B4GAT1: variants seen among roughly 807,000 people sequenced by gnomAD.
The protein encoded by B4GAT1 is beta-1,4-glucuronyltransferase 1, also known as N-acetyllactosaminide beta-1,3-N-acetylglucosaminyltransferase.
Under a neutral mutation model 35.0 loss-of-function variants are expected in B4GAT1, and 18 were observed. The ratio of observed to expected loss-of-function variants is 0.51; its 90% CI spans 0.36 to 0.76. The LOEUF (loss-of-function observed/expected upper bound fraction) is 0.76, where lower values mean the gene tolerates loss of function less well. B4GAT1 is among the 30% of genes least tolerant of loss of function. The pLI is 0.01. For synonymous variants in B4GAT1, 217 were observed against 251.6 expected, an observed-to-expected ratio of 0.86 and a Z score of 1.30; for missense variants, 458 against 555.0, an observed-to-expected ratio of 0.83 and a Z score of 1.76.
In B4GAT1 at chr11:66,346,484, G is replaced by C. The variant is rs1555016387; in HGVS notation, c.1056+6C>G. The stretch of plus-strand genomic sequence containing the variant: ...CCATTACCCCTGCCCTCTCCCTTAT[G>C]AGCACCTGGCTGATTCGGTTGAAGC... On this transcript the variant is annotated splice_donor_region_variant and intron_variant, in intron 1 of 1. Coordinates refer to ENST00000311181, the MANE Select transcript of B4GAT1 (RefSeq NM_006876.3). This position sits in a 1 kb window ranked among gnomAD's most constrained non-coding sequence, Gnocchi z 6.1. The C allele has an allele frequency of 1.9e-6, 3 of 1,595,426 alleles. No individual in the cohort carries two copies. Among genetic ancestry groups the C allele is most frequent in the East Asian group, 4.5e-5 (2 of 44,558 alleles).
Position 66,347,601 on chromosome 11 carries a change from C to A in B4GAT1, c.-56G>T. On this transcript the variant is annotated 5_prime_UTR_variant, in exon 1 of 2. Coordinates refer to ENST00000311181, the MANE Select transcript of B4GAT1 (RefSeq NM_006876.3). This position sits in a 1 kb window ranked among gnomAD's most constrained non-coding sequence, Gnocchi z 6.3. ...ACCACCCGGCCACAGACTACGCCAG[C>A]GGCCGCAAGCCCGGATTTACCGCAG... The A allele has an allele frequency of 8.1e-7, 1 of 1,235,562 alleles. No individual in the cohort carries two copies. The highest frequency in any genetic ancestry group is 1.0e-6 in the Non-Finnish European group (1 of 989,838). The allele number at this position is 1,235,562 out of a possible 1,614,324, so 76.5% of individuals were successfully genotyped here.
rs1189272376 is a variant in B4GAT1 at position 66,347,005 on chromosome 11, A to G, written c.541T>C (p.Ser181Pro). The change falls in exon 1 of 2, where the codon TCC (serine) becomes CCC (proline). Residue 181 changes from serine to proline, a missense_variant. Coordinates refer to ENST00000311181, the MANE Select transcript of B4GAT1 (RefSeq NM_006876.3). This position sits in a 1 kb window ranked among gnomAD's most constrained non-coding sequence, Gnocchi z 6.3. Reference sequence around the variant, plus strand: ...AGCTTGTCAAAGACCTCCTGGCAGGACCGCAGCAGGGCAAACTCCCCCGGC... The same window carrying G: ...AGCTTGTCAAAGACCTCCTGGCAGGGCCGCAGCAGGGCAAACTCCCCCGGC... ...REPGEFALLR[S>P]CQEVFDKLAR... The G allele has an allele frequency of 2.5e-6, 4 of 1,601,940 alleles. No individual in the cohort carries two copies. The highest frequency in any genetic ancestry group is 2.6e-6 in the Non-Finnish European group (3 of 1,175,850).
chr11:66,347,034 C>T lies in B4GAT1; in HGVS notation c.512G>A (p.Arg171Gln). ...CAGCAGGGCAAACTCCCCCGGCTCC[C>T]GGGGGTCGGGCACGGCTGCCTCGTA... ...SRYEAAVPDPREPGEFALLRS... is the reference protein window; with the variant it reads ...SRYEAAVPDPQEPGEFALLRS... The change falls in exon 1 of 2, where the codon CGG becomes CAG. Residue 171 changes from arginine to glutamine, a missense_variant. Coordinates refer to ENST00000311181, the MANE Select transcript of B4GAT1 (RefSeq NM_006876.3). This position sits in a 1 kb window ranked among gnomAD's most constrained non-coding sequence, Gnocchi z 6.3. 2 of 1,588,152 alleles carry T rather than the reference C, an allele frequency of 1.3e-6. No homozygotes were observed. The highest frequency in any genetic ancestry group is 1.7e-5 in the Admixed American group (1 of 58,516).
chr11:66,347,203 G>A lies in B4GAT1; in HGVS notation c.343C>T (p.Arg115Cys), dbSNP rs1328944950. 1.3e-6 allele frequency: 2 copies of A among 1,578,034 alleles called. No homozygotes were observed. Among genetic ancestry groups the A allele is most frequent in the African/African-American group, 2.7e-5 (2 of 74,008 alleles). Residue 115 changes from arginine to cysteine, a missense_variant, in exon 1 of 2, where the codon CGC becomes TGC. Physicochemically the swap from Arg to Cys is radical, Grantham distance 180. Coordinates refer to ENST00000311181, the MANE Select transcript of B4GAT1 (RefSeq NM_006876.3). The surrounding 1 kb of genome is among the most constrained non-coding windows in gnomAD (Gnocchi z 6.3). Reference protein sequence around the residue: ...NLLHLSGLLERWEGPLSVSVF... With the variant: ...NLLHLSGLLECWEGPLSVSVF... ...GACACGGACAGCGGGCCCTCCCAGC[G>A]CTCCAGCAGACCCGACAGGTGCAGC...
Position 66,345,788 on chromosome 11 carries a change from A to G in B4GAT1, c.*261T>C, listed in dbSNP as rs902178934. 2.0e-5 allele frequency: 9 copies of G among 444,812 alleles called. No homozygotes were observed. Among genetic ancestry groups the G allele is most frequent in the Non-Finnish European group, 3.6e-5 (9 of 248,936 alleles). The allele number at this position is 444,812 out of a possible 1,614,324, so 27.6% of individuals were successfully genotyped here. ...TAGCATCTCATCTGAGCCTCCCAAC[A>G]GTTCCGTGAGGTAGGTATTCTCACC... On this transcript the variant is annotated 3_prime_UTR_variant, in exon 2 of 2. Coordinates refer to ENST00000311181, the MANE Select transcript of B4GAT1 (RefSeq NM_006876.3).
At position 66,345,966 on chromosome 11, in the gene B4GAT1, G is replaced by A; in HGVS notation, c.*83C>T. ...ACCACAGCTACCTCTGTAAAGTGGA[G>A]CGACATTTCTTACCCCAGTCAGGCC... On this transcript the variant is annotated 3_prime_UTR_variant, in exon 2 of 2. Coordinates refer to ENST00000311181, the MANE Select transcript of B4GAT1 (RefSeq NM_006876.3). 7.0e-7 allele frequency: 1 copy of A among 1,424,680 alleles called. No individual in the cohort carries two copies. The highest frequency in any genetic ancestry group is 2.3e-5 in the East Asian group (1 of 43,404). 88.3% of individuals were successfully genotyped at this position (1,424,680 alleles called of 1,614,324 possible).
At position 66,347,537 on chromosome 11, in the gene B4GAT1, C is replaced by T. The variant is rs1331744240; in HGVS notation, c.9G>A (p.Met3Ile). The T allele has an allele frequency of 5.5e-6, 8 of 1,447,350 alleles. No individual in the cohort carries two copies. The South Asian group carries it at 1.1e-4, about 19-fold the overall frequency. 89.7% of individuals were successfully genotyped at this position (1,447,350 alleles called of 1,614,324 possible). Residue 3 changes from methionine to isoleucine, a missense_variant, in exon 1 of 2, where the codon ATG (methionine) becomes ATA (isoleucine). Coordinates refer to ENST00000311181, the MANE Select transcript of B4GAT1 (RefSeq NM_006876.3). The surrounding 1 kb of genome is among the most constrained non-coding windows in gnomAD (Gnocchi z 6.3). MQMSYAIRCAFYQ... is the reference protein window; with the variant it reads MQISYAIRCAFYQ... ...AGAAGGCGCACCGGATGGCGTAGGACATCTGCATGGCTCTCGGGGCTCGGG... is the reference window on the plus strand; with the variant it reads ...AGAAGGCGCACCGGATGGCGTAGGATATCTGCATGGCTCTCGGGGCTCGGG...
Position 66,346,749 on chromosome 11 carries a change from C to T in B4GAT1, c.797G>A (p.Arg266His). ...VVPAFEIRRA[R>H]RMPMNKNELV... ...CTCGTTTTTGTTCATGGGCATGCGGCGGGCTCTTCGGATTTCGAAGGCAGG... is the reference window on the plus strand; with the variant it reads ...CTCGTTTTTGTTCATGGGCATGCGGTGGGCTCTTCGGATTTCGAAGGCAGG... The change falls in exon 1 of 2, where the codon CGC (arginine) becomes CAC (histidine). Residue 266 changes from arginine to histidine, a missense_variant. Arg to His is a conservative substitution (Grantham distance 29). Transcript: ENST00000311181. The surrounding 1 kb of genome is among the most constrained non-coding windows in gnomAD (Gnocchi z 6.1). The T allele has an allele frequency of 6.2e-7, 1 of 1,613,796 alleles. No homozygotes were observed. The highest frequency in any genetic ancestry group is 8.5e-7 in the Non-Finnish European group (1 of 1,180,012).
In B4GAT1 at chr11:66,345,748, G is replaced by C. The variant is rs1424765945; in HGVS notation, c.*301C>G. On this transcript the variant is annotated 3_prime_UTR_variant, in exon 2 of 2. Transcript: ENST00000311181. ...ACTTCACATTTGTACGAAGCTTACA[G>C]AATGTTTTCACATATAGCATCTCAT... The C allele has an allele frequency of 2.8e-6, 1 of 352,326 alleles. No individual in the cohort carries two copies. The highest frequency in any genetic ancestry group is 5.2e-6 in the Non-Finnish European group (1 of 193,310). The allele number at this position is 352,326 out of a possible 1,614,324, so 21.8% of individuals were successfully genotyped here.
At position 66,346,479 on chromosome 11, in the gene B4GAT1, C is replaced by T. The variant is rs1443759442; in HGVS notation, c.1056+11G>A. 6 of 1,593,708 alleles carry T rather than the reference C, an allele frequency of 3.8e-6. No homozygotes were observed. The highest frequency in any genetic ancestry group is 5.1e-6 in the Non-Finnish European group (6 of 1,166,904). ...CTGCCCCATTACCCCTGCCCTCTCC[C>T]TTATGAGCACCTGGCTGATTCGGTT... On this transcript the variant is annotated intron_variant, in intron 1 of 1. Transcript: ENST00000311181. The surrounding 1 kb of genome is among the most constrained non-coding windows in gnomAD (Gnocchi z 6.1).
Position 66,347,391 on chromosome 11 carries a change from G to A in B4GAT1, c.155C>T (p.Ser52Phe). 1.3e-6 allele frequency: 2 copies of A among 1,587,358 alleles called. No homozygotes were observed. Among genetic ancestry groups the A allele is most frequent in the Non-Finnish European group, 1.7e-6 (2 of 1,167,092 alleles). ...QDQYFEFFPP[S>F]PRSVDQVKAQ... is the part of the protein sequence containing the mutation. ...CTTGACCTGGTCCACGGACCGTGGG[G>A]ACGGGGGAAAGAACTCAAAATATTG... The change falls in exon 1 of 2, where the codon TCC becomes TTC. Residue 52 changes from serine to phenylalanine, a missense_variant. Transcript: ENST00000311181. This position sits in a 1 kb window ranked among gnomAD's most constrained non-coding sequence, Gnocchi z 6.3.
chr11:66,345,882 G>C lies in B4GAT1; in HGVS notation c.*167C>G. 1 of 685,508 alleles carries C rather than the reference G, an allele frequency of 1.5e-6. No individual in the cohort carries two copies. Among genetic ancestry groups the C allele is most frequent in the Non-Finnish European group, 2.4e-6 (1 of 416,638 alleles). The allele number at this position is 685,508 out of a possible 1,614,324, so 42.5% of individuals were successfully genotyped here. The stretch of plus-strand genomic sequence containing the variant: ...GGATTTACTCAAGGCCACACAGCTA[G>C]TTAGTGGTAAAGCTAGGAATCGATC... On this transcript the variant is annotated 3_prime_UTR_variant, in exon 2 of 2. Coordinates refer to ENST00000311181, the MANE Select transcript of B4GAT1 (RefSeq NM_006876.3).
rs974179465 is a variant in B4GAT1 at position 66,345,977 on chromosome 11, T to C, written c.*72A>G. 2.7e-6 allele frequency: 4 copies of C among 1,481,248 alleles called. No homozygotes were observed. The African/African-American group carries it at 5.6e-5, about 21-fold the overall frequency. 91.8% of individuals were successfully genotyped at this position (1,481,248 alleles called of 1,614,324 possible). A position where few individuals can be genotyped will look rare whatever the true frequency, so the allele number is the denominator to read the frequency against. ...CTCTGTAAAGTGGAGCGACATTTCT[T>C]ACCCCAGTCAGGCCTAAATGGTGGC... On this transcript the variant is annotated 3_prime_UTR_variant, in exon 2 of 2. Coordinates refer to ENST00000311181, the MANE Select transcript of B4GAT1 (RefSeq NM_006876.3).
chr11:66,346,444 A>G lies in B4GAT1; in HGVS notation c.1056+46T>C. The stretch of plus-strand genomic sequence containing the variant: ...CCACTCCTCATAACTCCCTGATCCC[A>G]CCACCCCTCCTGCCCCATTACCCCT... On this transcript the variant is annotated intron_variant, in intron 1 of 1. Transcript: ENST00000311181. The surrounding 1 kb of genome is among the most constrained non-coding windows in gnomAD (Gnocchi z 6.1). 1 of 1,558,646 alleles carries G rather than the reference A, an allele frequency of 6.4e-7. No homozygotes were observed. Among genetic ancestry groups the G allele is most frequent in the Non-Finnish European group, 8.7e-7 (1 of 1,149,458 alleles).
At position 66,346,017 on chromosome 11, in the gene B4GAT1, G is replaced by C; in HGVS notation, c.*32C>G. 2 of 1,591,168 alleles carry C rather than the reference G, an allele frequency of 1.3e-6. No homozygotes were observed. Among genetic ancestry groups the C allele is most frequent in the Non-Finnish European group, 1.7e-6 (2 of 1,162,872 alleles). ...TAAATGGTGGCCTGAGGAGCCAAGA[G>C]GCTGACTTCTCAGATTAGGGGAGGG... On this transcript the variant is annotated 3_prime_UTR_variant, in exon 2 of 2. Coordinates refer to ENST00000311181, the MANE Select transcript of B4GAT1 (RefSeq NM_006876.3). The surrounding 1 kb of genome is among the most constrained non-coding windows in gnomAD (Gnocchi z 6.1).
chr11:66,347,276 C>G lies in B4GAT1; in HGVS notation c.270G>C (p.Met90Ile). ...TGGCCAGGATCACATCGTTGGGGTCCATGGTGGTCTTCAGCAGGCCCCTGT... is the reference window on the plus strand; with the variant it reads ...TGGCCAGGATCACATCGTTGGGGTCGATGGTGGTCTTCAGCAGGCCCCTGT... The part of the protein sequence containing the change: ...RVYRGLLKTT[M>I]DPNDVILATH... Residue 90 changes from methionine (M) to isoleucine (I), a missense_variant, in exon 1 of 2, where the codon ATG becomes ATC. By Grantham distance (10) the Met-to-Ile change is conservative (BLOSUM62 1). Transcript: ENST00000311181. The surrounding 1 kb of genome is among the most constrained non-coding windows in gnomAD (Gnocchi z 6.3). The G allele has an allele frequency of 1.3e-6, 2 of 1,568,630 alleles. No homozygotes were observed. Among genetic ancestry groups the G allele is most frequent in the South Asian group, 1.2e-5 (1 of 85,772 alleles).
chr11:66,347,218 A>G lies in B4GAT1; in HGVS notation c.328T>C (p.Ser110Pro). The part of the protein sequence containing the change: ...HASVDNLLHL[S>P]GLLERWEGPL... ...CCCTCCCAGCGCTCCAGCAGACCCG[A>G]CAGGTGCAGCAGGTTGTCCACGCTG... is the stretch of plus-strand genomic sequence containing the variant. The change falls in exon 1 of 2, where the codon TCG (serine) becomes CCG (proline). Residue 110 changes from serine to proline, a missense_variant. Coordinates refer to ENST00000311181, the MANE Select transcript of B4GAT1 (RefSeq NM_006876.3). This position sits in a 1 kb window ranked among gnomAD's most constrained non-coding sequence, Gnocchi z 6.3. The G allele has an allele frequency of 6.4e-7, 1 of 1,574,510 alleles. No homozygotes were observed. Among genetic ancestry groups the G allele is most frequent in the Non-Finnish European group, 8.6e-7 (1 of 1,160,674 alleles).
At position 66,345,921 on chromosome 11, in the gene B4GAT1, T is replaced by A. The variant is rs892748915; in HGVS notation, c.*128A>T. On this transcript the variant is annotated 3_prime_UTR_variant, in exon 2 of 2. Coordinates refer to ENST00000311181, the MANE Select transcript of B4GAT1 (RefSeq NM_006876.3). ...TAGGAATCGATCCCAGCACCCCATA[T>A]CCAAGTCCAGTGTTTCAACACCACA... The A allele has an allele frequency of 6.5e-5, 68 of 1,052,768 alleles. No homozygotes were observed. Among genetic ancestry groups the A allele is most frequent in the Non-Finnish European group, 8.1e-5 (58 of 719,542 alleles). 65.2% of individuals were successfully genotyped at this position (1,052,768 alleles called of 1,614,324 possible).
rs1045284067 is a variant in B4GAT1, at chr11:66,346,712, G to A, written c.834C>T (p.Leu278=). 1 of 1,613,922 alleles carries A rather than the reference G, an allele frequency of 6.2e-7. No homozygotes were observed. The highest frequency in any genetic ancestry group is 8.5e-7 in the Non-Finnish European group (1 of 1,180,032). ...MPMNKNELVQ[L]YQVGEVRPFY... ...AGGGCCGCACCTCGCCAACCTGGTA[G>A]AGCTGCACCAGCTCGTTTTTGTTCA... Residue 278 remains leucine, a synonymous_variant, in exon 1 of 2, where the codon CTC becomes CTT. Coordinates refer to ENST00000311181, the MANE Select transcript of B4GAT1 (RefSeq NM_006876.3). This position sits in a 1 kb window ranked among gnomAD's most constrained non-coding sequence, Gnocchi z 6.1.
Sources: allele counts gnomAD v4.1 joint callset, GRCh38; gene constraint gnomAD v4.1.1; non-coding constraint Gnocchi (gnomAD v3.1); transcripts MANE v1.5; gene names NCBI Gene and HGNC (gene_info 2026-07-23, HGNC 2026-07-21).